The following DMD variants were observed in gnomAD, a reference collection of about 807,000 sequenced individuals.
DMD encodes the protein dystrophin, also known as mutant dystrophin.
In DMD, 63 loss-of-function variants were observed where a neutral mutation model predicts 330.1. The ratio of observed to expected loss-of-function variants is 0.19; its 90% CI spans 0.16 to 0.24. DMD has a LOEUF of 0.24. Ranked by LOEUF, DMD falls within the 10% of genes least tolerant of loss-of-function variation. DMD has a pLI of 1.00. For missense variants in DMD, 3,344 were observed against 2,684.1 expected (o/e 1.25, Z -5.43); for synonymous variants, 1,223 against 959.8 (o/e 1.27, Z -5.07).
At chrX:32,216,814 A>C (rs1471656515) in intron 44 of DMD, 102 bp downstream of exon 44, 6 of 761,742 alleles carry the variant, frequency 7.9e-6, no homozygotes, top group Admixed American at 2.7e-5. Context: ...CAACAGTCAA[A>C]AGTAATTTCC....
At chrX:32,685,411 A>G (rs190582673) in intron 9 of DMD, among the ~76,000 whole-genome samples, 132 of 111,939 alleles carry the variant, frequency 1.2e-3, no homozygotes, top group Non-Finnish European at 2.2e-3. Context: ...GACACACAAT[A>G]TAGAAATTTC....
intron 43 of DMD, among the ~76,000 whole-genome samples, chrX:32,247,748 G>A (rs145190324): frequency 0.018 from 2,055 of 111,249 alleles, 50 homozygotes; most frequent in African/African-American, 0.06. Context: ...CTGAGGACTC[G>A]TCACTGTGCA....
chrX:32,741,744 T>G (rs907833287), intron 7 of DMD, among the ~76,000 whole-genome samples: 5 of 111,949 alleles, frequency 4.5e-5, no homozygotes, highest in African/African-American at 1.6e-4. Context: ...AATATTTGGT[T>G]GCATAGTCCT....
At chrX:32,802,577 G>A (rs1461962165) in intron 7 of DMD, among the ~76,000 whole-genome samples, 4 of 111,668 alleles carry the variant, frequency 3.6e-5, no homozygotes, top group Non-Finnish European at 5.6e-5. Context: ...AGTGCTTCCA[G>A]CTTTTGCCCA....
chrX:32,514,516 C>A (rs1224007925), intron 18 of DMD, among the ~76,000 whole-genome samples: 1 of 111,616 alleles, frequency 9.0e-6, no homozygotes, highest in Non-Finnish European at 1.9e-5. Flanking sequence ...CCGAGGCGGG[C>A]GGATCACGAG....
intron 55 of DMD, among the ~76,000 whole-genome samples, chrX:31,576,878 G>A (rs1004091692): frequency 9.1e-6 from 1 of 109,942 alleles, no homozygotes; most frequent in African/African-American, 3.3e-5. Context: ...ACCACGCCCG[G>A]CTAATTTTTT....
chrX:32,034,698 T>C (rs1225239687), intron 44 of DMD, among the ~76,000 whole-genome samples: 1 of 111,532 alleles, frequency 9.0e-6, no homozygotes, highest in Non-Finnish European at 1.9e-5. Context: ...AAAATGGAAA[T>C]GTAATGCATT....
chrX:33,167,476 A>T (rs1322631136), intron 1 of DMD, among the ~76,000 whole-genome samples: 1 of 111,271 alleles, frequency 9.0e-6, no homozygotes, highest in Non-Finnish European at 1.9e-5. Flanking sequence ...AAGTTGTAAA[A>T]ATTGAATCAC....
At chrX:31,510,634 A>G (rs927069715) in intron 55 of DMD, among the ~76,000 whole-genome samples, 7 of 107,698 alleles carry the variant, frequency 6.5e-5, no homozygotes, top group Admixed American at 6.0e-4. Flanking sequence ...CAGCCTCCCA[A>G]GTAGCTGGGA....
At chrX:32,015,459 C>T (rs1052231180) in intron 44 of DMD, among the ~76,000 whole-genome samples, 11 of 111,053 alleles carry the variant, frequency 9.9e-5, no homozygotes, top group Non-Finnish European at 1.3e-4. Flanking sequence ...ACAACAAAGA[C>T]TGCCGGGCTA....
intron 1 of DMD, among the ~76,000 whole-genome samples, chrX:33,303,318 T>TA (rs2053696061): frequency 9.0e-6 from 1 of 111,660 alleles, no homozygotes; most frequent in African/African-American, 3.3e-5. Flanking sequence ...CAAGCCAAAA[T>TA]AAGCTTAGTT....
intron 25 of DMD, 137 bp downstream of exon 25, chrX:32,463,302 A>C (rs2148416947): frequency 2.2e-6 from 1 of 461,243 alleles, no homozygotes; most frequent in Admixed American, 4.9e-5. Flanking sequence ...AAAAAAGATT[A>C]ATTTGTCAGA....
intron 62 of DMD, among the ~76,000 whole-genome samples, chrX:31,278,962 T>C (rs2052399738): frequency 8.9e-6 from 1 of 112,225 alleles, no homozygotes; most frequent in African/African-American, 3.2e-5. Flanking sequence ...GTAGGAACAT[T>C]TTAGACAGTC....
At chrX:32,419,854 T>G (rs913447791) in intron 29 of DMD, among the ~76,000 whole-genome samples, 1 of 103,675 alleles carries the variant, frequency 9.6e-6, no homozygotes, top group African/African-American at 3.9e-5. Context: ...TGACATCAGA[T>G]AGCCATCACT....
intron 1 of DMD, among the ~76,000 whole-genome samples, chrX:33,049,500 G>A (rs1603081962): frequency 2.7e-5 from 3 of 111,035 alleles, no homozygotes; most frequent in South Asian, 3.8e-4. Context: ...CAAGTCTCTC[G>A]AAAGGAAAGG....
chrX:32,618,818 A>C (rs1417507906), intron 11 of DMD, among the ~76,000 whole-genome samples: 1 of 111,605 alleles, frequency 9.0e-6, no homozygotes, highest in Non-Finnish European at 1.9e-5. Context: ...GCAAAAGTTA[A>C]AAATTACTAA....
intron 55 of DMD, among the ~76,000 whole-genome samples, chrX:31,551,714 A>G (rs1015941526): frequency 4.5e-5 from 5 of 112,352 alleles, no homozygotes; most frequent in Non-Finnish European, 7.5e-5. Flanking sequence ...AATTCCAACC[A>G]CATACATATA....
At chrX:31,165,289 A>C (rs1335220768) in intron 74 of DMD, among the ~76,000 whole-genome samples, 1 of 112,405 alleles carries the variant, frequency 8.9e-6, no homozygotes, top group Non-Finnish European at 1.9e-5. Flanking sequence ...TTTTGGCTTC[A>C]TAAGGTCTTA....
At chrX:31,767,087 G>A (rs1473891694) in intron 51 of DMD, among the ~76,000 whole-genome samples, 2 of 111,673 alleles carry the variant, frequency 1.8e-5, no homozygotes, top group Non-Finnish European at 3.8e-5. Flanking sequence ...CCAGATGGTC[G>A]CAAGCTGTCT....
Sources: allele counts gnomAD v4.1 joint callset (sites outside exome capture counted in the v4.1 genomes callset), GRCh38; gene constraint gnomAD v4.1.1; transcripts MANE v1.5; gene names NCBI Gene and HGNC (gene_info 2026-07-23, HGNC 2026-07-21).